Variants in AFF2 observed in about 807,000 individuals in gnomAD.
AFF2 encodes the protein AF4/FMR2 family member 2.
Under a neutral mutation model 76.9 loss-of-function variants are expected in AFF2, and 14 were observed. The observed-to-expected ratio is 0.18, with a 90% CI of 0.12 to 0.28. The LOEUF (loss-of-function observed/expected upper bound fraction) is 0.28. AFF2 is among the 10% of genes least tolerant of loss of function. AFF2 has a pLI of 1.00. For synonymous variants in AFF2, 398 were observed against 366.7 expected (o/e 1.09, Z -0.98); for missense variants, 868 against 1,001.1 (o/e 0.87, Z 1.79).
At chrX:148,667,072 A>G (rs958104502) in intron 3 of AFF2, among the ~76,000 whole-genome samples, 1 of 112,395 alleles carries the variant, frequency 8.9e-6, no homozygotes, top group African/African-American at 3.2e-5. Flanking sequence ...TTTGCTTTAC[A>G]TGCTGCTCTT....
At chrX:148,747,372 A>G (rs1557266150) in intron 3 of AFF2, among the ~76,000 whole-genome samples, 2 of 111,699 alleles carry the variant, frequency 1.8e-5, no homozygotes, top group African/African-American at 6.5e-5. Context: ...AAGAATATAT[A>G]TTATGCCCAT....
intron 3 of AFF2, among the ~76,000 whole-genome samples, chrX:148,700,224 G>T (rs2054769388): frequency 9.0e-6 from 1 of 111,105 alleles, no homozygotes; most frequent in African/African-American, 3.3e-5. Flanking sequence ...GAACTAAAAA[G>T]TTGCCAAATC....
chrX:148,852,102 A>C (rs782203638), intron 7 of AFF2, among the ~76,000 whole-genome samples: 1 of 111,631 alleles, frequency 9.0e-6, no homozygotes, highest in African/African-American at 3.3e-5. Flanking sequence ...TATATGTGCC[A>C]CATTTTCTTT....
chrX:148,577,334 G>A (rs2053301178), intron 1 of AFF2, among the ~76,000 whole-genome samples: 1 of 112,272 alleles, frequency 8.9e-6, no homozygotes. Flanking sequence ...CCAGGCAATA[G>A]CAAAAAGCTA....
rs781980406 is a variant in AFF2, at chrX:148,707,505, CT to C, written c.1041+44746del. 5.3e-3 allele frequency among the ~76,000 whole-genome samples: 564 copies of C among 106,277 alleles called. 4 individuals carry two copies. The highest frequency in any genetic ancestry group is 0.014 in the African/African-American group (420 of 29,302). 92.3% of individuals were successfully genotyped at this position (106,277 alleles called of 115,157 possible). A position where few individuals can be genotyped will look rare whatever the true frequency, so the allele number is the denominator to read the frequency against. ...GAAAATAATATATATATTTTTTTTC[CT>C]TTTTTTTTGTCATTTGGGGGAAGGA... is the stretch of plus-strand genomic sequence containing the variant. On this transcript the variant is annotated intron_variant, in intron 3 of 20. Transcript: ENST00000370460.
chrX:148,518,254 A>G (rs1396580460), intron 1 of AFF2, among the ~76,000 whole-genome samples: 5 of 111,604 alleles, frequency 4.5e-5, no homozygotes, highest in African/African-American at 1.6e-4. Flanking sequence ...TGCTAAAAAA[A>G]CCAAACAGAG....
intron 1 of AFF2, among the ~76,000 whole-genome samples, chrX:148,607,104 G>A (rs1490222341): frequency 1.8e-5 from 2 of 111,368 alleles, no homozygotes; most frequent in Non-Finnish European, 3.8e-5. Context: ...ACTTCAAGAT[G>A]AGGAAACAGA....
chrX:148,831,269 C>T lies in AFF2; in HGVS notation c.1087-6378C>T, dbSNP rs781825230. ...TGAGGCGACATTCATCCTCAGCTTA[C>T]GAAGATGACAGGATTAAGAGATTAA... On this transcript the variant is annotated intron_variant, in intron 4 of 20. Transcript: ENST00000370460. Among the ~76,000 whole-genome samples the T allele has an allele frequency of 4.5e-5, 5 of 111,571 alleles. No homozygotes were observed. The East Asian group carries it at 8.5e-4, about 19-fold the overall frequency.
chrX:148,987,670 C>A, intron 20 of AFF2, 113 bp downstream of exon 20: 1 of 674,166 alleles, frequency 1.5e-6, no homozygotes, highest in Non-Finnish European at 2.2e-6. Flanking sequence ...CTCTGATTTC[C>A]AGAACTTAGA....
chrX:148,704,354 A>ATATATATGTGTGTATATATATATT (rs1569553730), intron 3 of AFF2, among the ~76,000 whole-genome samples: 4 of 12,226 alleles, frequency 3.3e-4, no homozygotes, highest in African/African-American at 1.2e-3. Context: ...ATATATATTT[A>ATATATATGTGTGTATATATATATT]TATATATATG....
intron 1 of AFF2, among the ~76,000 whole-genome samples, chrX:148,611,173 C>T (rs782185809): frequency 1.8e-5 from 2 of 111,799 alleles, no homozygotes; most frequent in Admixed American, 1.9e-4. Flanking sequence ...GGAAGTTGGA[C>T]ATTCATGATC....
intron 9 of AFF2, among the ~76,000 whole-genome samples, chrX:148,948,564 A>G (rs190771281): frequency 1.8e-5 from 2 of 111,624 alleles, no homozygotes; most frequent in African/African-American, 6.5e-5. Flanking sequence ...CAAGTTTGCA[A>G]CAGCAGAGAA....
chrX:148,699,305 C>A (rs1385943148), intron 3 of AFF2, among the ~76,000 whole-genome samples: 2 of 112,465 alleles, frequency 1.8e-5, no homozygotes, highest in Non-Finnish European at 3.8e-5. Flanking sequence ...GGTATACCTG[C>A]ACATGCATGC....
intron 3 of AFF2, among the ~76,000 whole-genome samples, chrX:148,739,973 C>T (rs782581853): frequency 4.5e-5 from 5 of 111,745 alleles, no homozygotes; most frequent in East Asian, 5.6e-4. Flanking sequence ...CTGAAGATAG[C>T]GCCCCAATCC....
chrX:148,917,292 G>T (rs2071543624), intron 9 of AFF2, among the ~76,000 whole-genome samples: 1 of 111,863 alleles, frequency 8.9e-6, no homozygotes, highest in Non-Finnish European at 1.9e-5. Flanking sequence ...GAAGATGTCG[G>T]CCTCCCTATG....
chrX:148,591,022 C>A (rs1418466915), intron 1 of AFF2, among the ~76,000 whole-genome samples: 2 of 111,826 alleles, frequency 1.8e-5, no homozygotes, highest in Non-Finnish European at 3.8e-5. Context: ...TTGAATTACC[C>A]GTGTTGCCCT....
rs782078039 is a variant in AFF2 at position 148,967,131 on chromosome X, G to A, written c.3203+52G>A. ...AGTTTGGAGTAGTGAATGGGGGGTG[G>A]GGGTAGCATGGCTTTTCTAGTGCTG... On this transcript the variant is annotated intron_variant, in intron 14 of 20. Transcript: ENST00000370460. The A allele has an allele frequency of 5.1e-6, 6 of 1,183,729 alleles. No homozygotes were observed. The African/African-American group carries it at 5.3e-5, about 10-fold the overall frequency.
At chrX:148,793,333 C>T (rs1557270113) in intron 3 of AFF2, among the ~76,000 whole-genome samples, 2 of 111,857 alleles carry the variant, frequency 1.8e-5, no homozygotes, top group African/African-American at 6.5e-5. Flanking sequence ...ACTTTGCCTC[C>T]CTTTTATGTA....
At chrX:148,893,210 A>G (rs1162028799) in intron 8 of AFF2, among the ~76,000 whole-genome samples, 1 of 112,170 alleles carries the variant, frequency 8.9e-6, no homozygotes, top group Non-Finnish European at 1.9e-5. Context: ...TATAAGGTTA[A>G]TAGAATAACA....
Sources: allele counts gnomAD v4.1 joint callset (sites outside exome capture counted in the v4.1 genomes callset), GRCh38; gene constraint gnomAD v4.1.1; transcripts MANE v1.5; gene names NCBI Gene and HGNC (gene_info 2026-07-23, HGNC 2026-07-21).